The following RRBP1 variants were observed in gnomAD, a reference collection of about 807,000 sequenced individuals.
RRBP1 encodes ribosome binding protein 1, also known as ribosome-binding protein 1.
Under a neutral mutation model 165.2 loss-of-function variants are expected in RRBP1, and 94 were observed. The observed-to-expected ratio is 0.57, with a 90% CI of 0.48 to 0.68. The LOEUF (loss-of-function observed/expected upper bound fraction) is 0.68, where lower values mean the gene tolerates loss of function less well. Ranked by LOEUF, RRBP1 falls within the 30% of genes least tolerant of loss-of-function variation. The pLI is 0.00. For synonymous variants in RRBP1, 680 were observed against 714.5 expected (o/e 0.95, Z 0.77); for missense variants, 1,676 against 1,763.0 (o/e 0.95, Z 0.88).
At chr20:17,630,429 A>C (rs1194192103) in intron 8 of RRBP1, among the ~76,000 whole-genome samples, 1 of 152,142 alleles carries the variant, frequency 6.6e-6, no homozygotes, top group African/African-American at 2.4e-5. Context: ...CTTAGTTCTT[A>C]ATATTAGGTT....
At chr20:17,674,123 C>A (rs931570602) in intron 2 of RRBP1, among the ~76,000 whole-genome samples, 1 of 152,194 alleles carries the variant, frequency 6.6e-6, no homozygotes, top group African/African-American at 2.4e-5. Flanking sequence ...TTCAAAAAAA[C>A]ACACCACCTG....
intron 3 of RRBP1, among the ~76,000 whole-genome samples, chr20:17,645,186 G>C (rs1021535247): frequency 5.3e-5 from 8 of 152,192 alleles, no homozygotes; most frequent in African/African-American, 1.9e-4. Flanking sequence ...GAAACATCTG[G>C]ATAAGGCAGC....
Position 17,660,503 on chromosome 20 carries a change from T to G in RRBP1, c.5A>C (p.Asp2Ala). 6.2e-7 allele frequency: 1 copy of G among 1,611,870 alleles called. No homozygotes were observed. Among genetic ancestry groups the G allele is most frequent in the Non-Finnish European group, 8.5e-7 (1 of 1,178,440 alleles). Residue 2 changes from aspartate to alanine, a missense_variant, in exon 3 of 25, where the codon GAT becomes GCT. Around this residue, in one of 5 missense-constraint regions of RRBP1, gnomAD observed 392 missense variants for 382.5 expected, o/e 1.02. Coordinates refer to ENST00000377813, the MANE Select transcript of RRBP1 (RefSeq NM_001365613.2). M[D>A]IYDTQTLGVV... ...CCCCAAGGTTTGAGTGTCGTAAATATCCATCCTGGCTTGCTTTCCTTTCAC... is the reference window on the plus strand; with the variant it reads ...CCCCAAGGTTTGAGTGTCGTAAATAGCCATCCTGGCTTGCTTTCCTTTCAC...
chr20:17,630,563 T>C (rs946292650), intron 8 of RRBP1, among the ~76,000 whole-genome samples: 7 of 152,194 alleles, frequency 4.6e-5, no homozygotes, highest in Admixed American at 1.3e-4. Flanking sequence ...CACCCTTGTT[T>C]AGGAGCCACA....
Position 17,643,120 on chromosome 20 carries a change from TG to T in RRBP1, c.1919del (p.Pro640GlnfsTer59). ...GGAGGTAGAGAGGGCCGTCGGCATC[TG>T]GGGGCCCTGTGCAGCAAGAGGGAAA... ...GSKKKGEPGP[P>X]DADGPLYLPY... On this transcript the variant is annotated frameshift_variant, in exon 4 of 25. Transcript: ENST00000377813. LOFTEE classifies it high-confidence loss of function. This position sits in a 1 kb window ranked among gnomAD's most constrained non-coding sequence, Gnocchi z 4.3. The T allele has an allele frequency of 6.2e-7, 1 of 1,613,796 alleles. No homozygotes were observed.
chr20:17,659,475 C>A lies in RRBP1; in HGVS notation c.1033G>T (p.Ala345Ser). The A allele has an allele frequency of 2.0e-6, 3 of 1,497,726 alleles. No individual in the cohort carries two copies. The highest frequency in any genetic ancestry group is 2.7e-6 in the Non-Finnish European group (3 of 1,112,294). 92.8% of individuals were successfully genotyped at this position (1,497,726 alleles called of 1,614,324 possible). ...TCGGCCTTCTTGCCCTGATTCTGGG[C>A]CCCCTCGGCCTTCTTGCCCTGATTC... ...AQNQGKKAEG[A>S]QNQGKKAEGA... Residue 345 changes from alanine to serine, a missense_variant, in exon 3 of 25, where the codon GCC (alanine) becomes TCC (serine). This residue lies in a region of RRBP1 where 78 missense variants were observed against 115.6 expected (regional missense o/e 0.67). Coordinates refer to ENST00000377813, the MANE Select transcript of RRBP1 (RefSeq NM_001365613.2).
intron 2 of RRBP1, among the ~76,000 whole-genome samples, chr20:17,676,723 C>A (rs1218411963): frequency 6.6e-6 from 1 of 152,032 alleles, no homozygotes; most frequent in Non-Finnish European, 1.5e-5. Context: ...TCCCATTTTC[C>A]CCCAGAGAAC....
chr20:17,678,126 G>T (rs1042397658), intron 2 of RRBP1, among the ~76,000 whole-genome samples: 4 of 152,224 alleles, frequency 2.6e-5, no homozygotes, highest in African/African-American at 9.6e-5. Context: ...GTCTGGTTTT[G>T]GGGGTGTCTG....
intron 15 of RRBP1, 50 bp downstream of exon 15, chr20:17,621,640 T>G: frequency 1.9e-6 from 3 of 1,596,852 alleles, no homozygotes; most frequent in Non-Finnish European, 2.6e-6. Flanking sequence ...CCCCTCTTCC[T>G]GGGGACAGGG....
intron 2 of RRBP1, among the ~76,000 whole-genome samples, chr20:17,666,382 T>TATACTTCCATACTTCTATAAATA (rs2036867730): frequency 6.6e-6 from 1 of 152,176 alleles, no homozygotes; most frequent in Non-Finnish European, 1.5e-5. Flanking sequence ...TCTATAAGAT[T>TATACTTCCATACTTCTATAAATA]TTAATGATTT....
intron 2 of RRBP1, among the ~76,000 whole-genome samples, chr20:17,676,985 C>T (rs898238688): frequency 6.6e-6 from 1 of 151,586 alleles, no homozygotes; most frequent in Non-Finnish European, 1.5e-5. Flanking sequence ...TGGGCTCAAG[C>T]GATCCACCCG....
chr20:17,672,170 G>A (rs2036991811), intron 2 of RRBP1, among the ~76,000 whole-genome samples: 1 of 152,230 alleles, frequency 6.6e-6, no homozygotes. Flanking sequence ...ATGGGCCAGA[G>A]CTAAATGAGG....
At position 17,659,283 on chromosome 20, in the gene RRBP1, C is replaced by T. The variant is rs777433305; in HGVS notation, c.1225G>A (p.Gly409Ser). The T allele has an allele frequency of 6.5e-6, 10 of 1,540,848 alleles. No individual in the cohort carries two copies. Among genetic ancestry groups the T allele is most frequent in the Non-Finnish European group, 7.0e-6 (8 of 1,143,626 alleles). Reference protein sequence around the residue: ...GKKAEGAQNQGKKAEGAQNQG... With the variant: ...GKKAEGAQNQSKKAEGAQNQG... ...TTCTGGGCCCCCTCGGCCTTTTTGCCCTGGTTCTGGGCACCCTCAGCCTTC... is the reference window on the plus strand; with the variant it reads ...TTCTGGGCCCCCTCGGCCTTTTTGCTCTGGTTCTGGGCACCCTCAGCCTTC... Residue 409 changes from glycine (G) to serine (S), a missense_variant, in exon 3 of 25, where the codon GGC becomes AGC. Coordinates refer to ENST00000377813, the MANE Select transcript of RRBP1 (RefSeq NM_001365613.2).
intron 16 of RRBP1, among the ~76,000 whole-genome samples, 160 bp from the exon 17 acceptor site, chr20:17,620,967 G>A (rs1302731546): frequency 6.6e-6 from 1 of 152,240 alleles, no homozygotes. Context: ...CCACTGTCCT[G>A]GGAGGGAGGT....
At chr20:17,641,247 T>A (rs1239443786) in intron 5 of RRBP1, among the ~76,000 whole-genome samples, 1 of 152,212 alleles carries the variant, frequency 6.6e-6, no homozygotes, top group Non-Finnish European at 1.5e-5. Context: ...CCACCACCGT[T>A]TGCTGTTCAG....
intron 3 of RRBP1, among the ~76,000 whole-genome samples, chr20:17,644,910 T>A (rs2036435547): frequency 6.6e-6 from 1 of 152,262 alleles, no homozygotes; most frequent in South Asian, 2.1e-4. Context: ...TCCATTTGTT[T>A]CTTGCTGGCC....
rs1030111803 is a variant in RRBP1, at chr20:17,643,205, A to G, written c.1913-78T>C. On this transcript the variant is annotated intron_variant, in intron 3 of 24. Transcript: ENST00000377813. This position sits in a 1 kb window ranked among gnomAD's most constrained non-coding sequence, Gnocchi z 4.3. Reference sequence around the variant, plus strand: ...CGTGGCCACAATGCCCATCACACCAAGAAGGTTCTGGTCACAGCCACGAAG... The same window carrying G: ...CGTGGCCACAATGCCCATCACACCAGGAAGGTTCTGGTCACAGCCACGAAG... The G allele has an allele frequency of 1.1e-5, 17 of 1,488,278 alleles. No individual in the cohort carries two copies. Among genetic ancestry groups the G allele is most frequent in the Non-Finnish European group, 1.6e-5 (17 of 1,093,420 alleles). 92.2% of individuals were successfully genotyped at this position (1,488,278 alleles called of 1,614,324 possible). A position where few individuals can be genotyped will look rare whatever the true frequency, so the allele number is the denominator to read the frequency against.
chr20:17,627,730 G>A (rs746498682), intron 9 of RRBP1, 48 bp from the exon 10 acceptor site: 2 of 1,526,312 alleles, frequency 1.3e-6, no homozygotes, highest in Non-Finnish European at 1.8e-6. Context: ...GCAAACCCCA[G>A]GGGGTGTGGA....
intron 5 of RRBP1, among the ~76,000 whole-genome samples, chr20:17,641,028 T>C (rs1268298648): frequency 6.6e-6 from 1 of 152,112 alleles, no homozygotes; most frequent in Admixed American, 6.5e-5. Context: ...CAAAGACGGC[T>C]TTCAACAGGG....
Sources: gnomAD v4.1 joint callset for allele counts (sites outside exome capture counted in the v4.1 genomes callset) on GRCh38, gnomAD v4.1.1 for gene constraint, gnomAD v4.1.1 regional missense constraint, Gnocchi (gnomAD v3.1) non-coding constraint, MANE v1.5 for transcripts, NCBI Gene and HGNC (gene_info 2026-07-23, HGNC 2026-07-21) for gene names.